Variants in GABRB1 observed in about 807,000 individuals in gnomAD.
GABRB1 encodes gamma-aminobutyric acid type A receptor subunit beta1, also known as gamma-aminobutyric acid receptor subunit beta-1.
GABRB1 carries 17 observed loss-of-function variants against 51.6 expected under a neutral mutation model. The observed-to-expected ratio is 0.33, with a 90% CI of 0.23 to 0.49. The LOEUF (loss-of-function observed/expected upper bound fraction) is 0.49, where lower values mean the gene tolerates loss of function less well. Ranked by LOEUF, GABRB1 falls within the 20% of genes least tolerant of loss-of-function variation. The probability of loss-of-function intolerance (pLI) is 0.99; values close to 1 mark genes in which losing one functional copy is unlikely to be tolerated. For missense variants in GABRB1, 410 were observed against 600.6 expected, an observed-to-expected ratio of 0.68 and a Z score of 3.32; for synonymous variants, 247 against 218.9, an observed-to-expected ratio of 1.13 and a Z score of -1.14.
intron 8 of GABRB1, among the ~76,000 whole-genome samples, chr4:47,416,046 G>T (rs1162137110): frequency 2.0e-5 from 3 of 152,160 alleles, no homozygotes; most frequent in African/African-American, 4.8e-5. Flanking sequence ...AACAAAAAAA[G>T]CACCTGCCCT....
intron 5 of GABRB1, among the ~76,000 whole-genome samples, chr4:47,340,153 T>G (rs1725831867): frequency 6.6e-6 from 1 of 152,090 alleles, no homozygotes; most frequent in African/African-American, 2.4e-5. Context: ...GCTTGGAAAA[T>G]CTGGTGAGGA....
intron 1 of GABRB1, among the ~76,000 whole-genome samples, chr4:47,001,196 A>G (rs183159109): frequency 0.016 from 2,417 of 152,172 alleles, 25 homozygotes; most frequent in Admixed American, 0.034. Flanking sequence ...AGGCTGGAGT[A>G]CAGTGGCGCG....
intron 4 of GABRB1, among the ~76,000 whole-genome samples, chr4:47,306,373 AG>A (rs1285720127): frequency 1.3e-5 from 2 of 150,416 alleles, no homozygotes; most frequent in Admixed American, 6.7e-5. Flanking sequence ...AGTGAGAAGA[AG>A]GTGCGGGGTA....
intron 3 of GABRB1, among the ~76,000 whole-genome samples, chr4:47,118,432 AAAAT>A (rs1156357649): frequency 1.3e-5 from 2 of 152,270 alleles, no homozygotes; most frequent in Non-Finnish European, 2.9e-5. Context: ...TTCATGTGAT[AAAAT>A]ATTTAATGTT....
intron 3 of GABRB1, among the ~76,000 whole-genome samples, chr4:47,125,559 C>CTTTTTTTTTTTTTT (rs71195605): frequency 0.13 from 10,353 of 80,348 alleles, 2,780 homozygotes; most frequent in East Asian, 0.21. Context: ...AGTATAATTT[C>CTTTTTTTTTTTTTT]TTTTTTTTTT....
At chr4:47,207,567 C>A (rs571830732) in intron 4 of GABRB1, among the ~76,000 whole-genome samples, 16 of 152,110 alleles carry the variant, frequency 1.1e-4, no homozygotes, top group African/African-American at 3.6e-4. Context: ...TATTGACCAA[C>A]GGTAACCCTT....
chr4:47,274,386 G>A (rs1265163756), intron 4 of GABRB1, among the ~76,000 whole-genome samples: 1 of 152,086 alleles, frequency 6.6e-6, no homozygotes, highest in Non-Finnish European at 1.5e-5. Context: ...ATAGACTTGA[G>A]GCCCGTTATT....
In GABRB1 at chr4:47,350,183, T is replaced by TTATATA. The variant is rs367708916; in HGVS notation, c.544+30005_544+30010dup. 1.5e-3 allele frequency among the ~76,000 whole-genome samples: 133 copies of TTATATA among 87,712 alleles called. 1 individual carries two copies. The highest frequency in any genetic ancestry group is 4.9e-3 in the South Asian group (10 of 2,050). The allele number at this position is 87,712 out of a possible 152,430, so 57.5% of individuals were successfully genotyped here. A position where few individuals can be genotyped will look rare whatever the true frequency, so the allele number is the denominator to read the frequency against. On this transcript the variant is annotated intron_variant, in intron 5 of 8. Coordinates refer to ENST00000295454, the MANE Select transcript of GABRB1 (RefSeq NM_000812.4). ...TAAAATATTTCCTCTTGGGCTCAGA[T>TTATATA]TATATATATATATATATATATATAT...
chr4:47,264,084 G>A (rs1722555969), intron 4 of GABRB1, among the ~76,000 whole-genome samples: 1 of 152,118 alleles, frequency 6.6e-6, no homozygotes, highest in Non-Finnish European at 1.5e-5. Flanking sequence ...GGAGGCTGTA[G>A]TGAGCCGAGT....
chr4:47,141,508 A>C (rs1177923977), intron 3 of GABRB1, among the ~76,000 whole-genome samples: 1 of 151,984 alleles, frequency 6.6e-6, no homozygotes, highest in Admixed American at 6.6e-5. Flanking sequence ...TGGGGAAATA[A>C]GTAGTCATTA....
At position 47,284,537 on chromosome 4, in the gene GABRB1, G is replaced by A. The variant is rs1723433856; in HGVS notation, c.462-35590G>A. Among the ~76,000 whole-genome samples, 4 of 152,154 alleles carry A rather than the reference G, an allele frequency of 2.6e-5. No individual in the cohort carries two copies. In the South Asian group the frequency reaches 8.3e-4, roughly 32 times the overall value. On this transcript the variant is annotated intron_variant, in intron 4 of 8. Coordinates refer to ENST00000295454, the MANE Select transcript of GABRB1 (RefSeq NM_000812.4). The stretch of plus-strand genomic sequence containing the variant: ...CATTTTATTTCCCTACTTCCAAGAG[G>A]AAAACTTTTTCTTTTCTCTCAAGAG...
chr4:47,275,416 A>T (rs1484712470), intron 4 of GABRB1, among the ~76,000 whole-genome samples: 3 of 152,126 alleles, frequency 2.0e-5, no homozygotes, highest in Admixed American at 2.0e-4. Context: ...GCTACTTACA[A>T]GCTGAGTGAC....
intron 4 of GABRB1, among the ~76,000 whole-genome samples, chr4:47,254,049 G>A (rs2109867518): frequency 6.6e-6 from 1 of 152,172 alleles, no homozygotes; most frequent in South Asian, 2.1e-4. Context: ...GACAATAGGG[G>A]CATCTTATTT....
intron 4 of GABRB1, among the ~76,000 whole-genome samples, chr4:47,263,312 A>G (rs1722522205): frequency 6.6e-6 from 1 of 152,150 alleles, no homozygotes; most frequent in African/African-American, 2.4e-5. Context: ...AGTGGATGCA[A>G]GGAGGATTAC....
chr4:47,309,903 A>G (rs1409713787), intron 4 of GABRB1, among the ~76,000 whole-genome samples: 3 of 152,134 alleles, frequency 2.0e-5, no homozygotes, highest in Non-Finnish European at 4.4e-5. Flanking sequence ...CTTTGGAAGC[A>G]TATTGACTGA....
chr4:47,325,698 T>A (rs924576450), intron 5 of GABRB1, among the ~76,000 whole-genome samples: 6 of 152,300 alleles, frequency 3.9e-5, no homozygotes, highest in Admixed American at 1.3e-4. Context: ...CCACCATAGT[T>A]CTTTTGGCTT....
At chr4:47,268,188 TA>T (rs1439452080) in intron 4 of GABRB1, among the ~76,000 whole-genome samples, 3 of 151,960 alleles carry the variant, frequency 2.0e-5, no homozygotes, top group Non-Finnish European at 2.9e-5. Context: ...ACTTCAAAAC[TA>T]AAAAAAATTT....
intron 1 of GABRB1, among the ~76,000 whole-genome samples, chr4:47,010,785 G>A (rs1388034566): frequency 6.6e-6 from 1 of 152,162 alleles, no homozygotes; most frequent in African/African-American, 2.4e-5. Context: ...GGGTTTCAGT[G>A]TCATTTGCAA....
intron 4 of GABRB1, among the ~76,000 whole-genome samples, chr4:47,239,367 T>C (rs1578024742): frequency 6.6e-6 from 1 of 152,234 alleles, no homozygotes; most frequent in South Asian, 2.1e-4. Flanking sequence ...ATTTTCCTAT[T>C]AGTGAACTTC....
Sources: gnomAD v4.1 joint callset for allele counts (sites outside exome capture counted in the v4.1 genomes callset) on GRCh38, gnomAD v4.1.1 for gene constraint, MANE v1.5 for transcripts, NCBI Gene and HGNC (gene_info 2026-07-23, HGNC 2026-07-21) for gene names.